The following CNTN4 variants were observed in gnomAD, a reference collection of about 807,000 sequenced individuals.
CNTN4 encodes the protein contactin 4, also known as contactin-4.
Under a neutral mutation model 122.5 loss-of-function variants are expected in CNTN4, and 77 were observed. That is an observed-to-expected ratio of 0.63 (90% confidence interval 0.52 to 0.76). The LOEUF is 0.76. CNTN4 is among the 30% of genes least tolerant of loss of function. The pLI, the probability that CNTN4 is intolerant of heterozygous loss-of-function variation, is 0.00. For synonymous variants in CNTN4, 512 were observed against 447.0 expected (o/e 1.15, Z -1.83); for missense variants, 1,256 against 1,259.1 (o/e 1.00, Z 0.04).
At chr3:2,588,682 T>A (rs1014966768) in intron 4 of CNTN4, among the ~76,000 whole-genome samples, 2 of 152,016 alleles carry the variant, frequency 1.3e-5, no homozygotes, top group Non-Finnish European at 2.9e-5. Context: ...AGTACTTTTT[T>A]AGTGCCTGAT....
At chr3:2,228,076 T>C (rs1280149507) in intron 2 of CNTN4, among the ~76,000 whole-genome samples, 1 of 152,256 alleles carries the variant, frequency 6.6e-6, no homozygotes, top group East Asian at 1.9e-4. Context: ...GAAAATAATA[T>C]GGTTTTGCAT....
intron 3 of CNTN4, among the ~76,000 whole-genome samples, chr3:2,559,098 T>C (rs143416412): frequency 1.4e-4 from 21 of 152,324 alleles, no homozygotes; most frequent in Admixed American, 3.9e-4. Context: ...ACTAGATGGA[T>C]AACCACCCAT....
chr3:2,478,582 C>T (rs1044699242), intron 3 of CNTN4, among the ~76,000 whole-genome samples: 4 of 152,128 alleles, frequency 2.6e-5, no homozygotes, highest in African/African-American at 9.7e-5. Context: ...CTCCCTCCGC[C>T]CACACCCGTC....
intron 4 of CNTN4, among the ~76,000 whole-genome samples, chr3:2,591,209 C>T (rs1293236704): frequency 1.3e-5 from 2 of 152,206 alleles, no homozygotes; most frequent in African/African-American, 2.4e-5. Context: ...TCCATGATCA[C>T]ATTGTCCAGA....
chr3:2,386,026 T>C (rs1023268234), intron 3 of CNTN4, among the ~76,000 whole-genome samples: 4 of 152,116 alleles, frequency 2.6e-5, no homozygotes, highest in Non-Finnish European at 5.9e-5. Flanking sequence ...CGTCTTACTA[T>C]ACCTTGCACA....
chr3:2,693,494 T>C (rs2085853212), intron 4 of CNTN4, among the ~76,000 whole-genome samples: 1 of 152,140 alleles, frequency 6.6e-6, no homozygotes, highest in Non-Finnish European at 1.5e-5. Context: ...ACCACCAAAA[T>C]AGAAAATTTC....
chr3:2,579,380 C>A (rs2079835516), intron 4 of CNTN4, among the ~76,000 whole-genome samples: 1 of 152,160 alleles, frequency 6.6e-6, no homozygotes, highest in South Asian at 2.1e-4. Flanking sequence ...ATGACGGGAG[C>A]AGGAACAGTC....
intron 2 of CNTN4, among the ~76,000 whole-genome samples, chr3:2,331,315 A>T (rs1007738593): frequency 6.6e-6 from 1 of 152,152 alleles, no homozygotes; most frequent in East Asian, 1.9e-4. Flanking sequence ...GCATTGTAGA[A>T]GTAGGCCCTT....
chr3:2,800,239 T>A (rs1021154309), intron 6 of CNTN4, among the ~76,000 whole-genome samples: 1 of 152,200 alleles, frequency 6.6e-6, no homozygotes, highest in Non-Finnish European at 1.5e-5. Context: ...GATACCACAG[T>A]GCATATTTTT....
Position 2,485,075 on chromosome 3 carries a change from C to T in CNTN4, c.-88-86341C>T, listed in dbSNP as rs533405637. Among the ~76,000 whole-genome samples, 47 of 152,340 alleles carry T rather than the reference C, an allele frequency of 3.1e-4. No homozygotes were observed. In the Middle Eastern group the frequency reaches 0.01, roughly 33 times the overall value. On this transcript the variant is annotated intron_variant, in intron 3 of 24. Coordinates refer to ENST00000418658, the MANE Select transcript of CNTN4 (RefSeq NM_175607.3). ...TGGCCAGCAGCTGCAGAGGGTGCGC[C>T]GGGTCCCCCAGCAGTGCCGGCCGGC...
At position 2,854,337 on chromosome 3, in the gene CNTN4, A is replaced by T. The variant is rs192362603; in HGVS notation, c.455-12415A>T. Among the ~76,000 whole-genome samples the T allele has an allele frequency of 5.6e-3, 796 of 141,822 alleles. 7 individuals carry two copies. Among genetic ancestry groups the T allele is most frequent in the African/African-American group, 0.02 (768 of 37,788 alleles). 93.0% of individuals were successfully genotyped at this position (141,822 alleles called of 152,430 possible). A position where few individuals can be genotyped will look rare whatever the true frequency, so the allele number is the denominator to read the frequency against. ...GCCCAGGCTGGAGTGCAGTGGCACA[A>T]TCTCGGCTCATTGCAAACTTCACCT... On this transcript the variant is annotated intron_variant, in intron 7 of 24. Transcript: ENST00000418658.
chr3:2,795,592 C>G (rs984123540), intron 6 of CNTN4, among the ~76,000 whole-genome samples: 1 of 150,104 alleles, frequency 6.7e-6, no homozygotes, highest in African/African-American at 2.5e-5. Context: ...GCCATCTCGG[C>G]TCAGTGCAAG....
chr3:2,594,482 G>A (rs949456058), intron 4 of CNTN4, among the ~76,000 whole-genome samples: 6 of 144,038 alleles, frequency 4.2e-5, no homozygotes, highest in South Asian at 4.4e-4. Context: ...GCAGTGGCAC[G>A]ATCTCGGCTC....
intron 3 of CNTN4, among the ~76,000 whole-genome samples, chr3:2,549,203 G>A (rs2149348407): frequency 6.6e-6 from 1 of 152,172 alleles, no homozygotes; most frequent in East Asian, 1.9e-4. Context: ...TCTTTCTCTT[G>A]CCTGATTGCC....
At chr3:2,233,905 C>T (rs963988534) in intron 2 of CNTN4, among the ~76,000 whole-genome samples, 1 of 152,106 alleles carries the variant, frequency 6.6e-6, no homozygotes, top group Admixed American at 6.6e-5. Context: ...AAATACACAG[C>T]AAAAGGTAGA....
intron 3 of CNTN4, among the ~76,000 whole-genome samples, chr3:2,458,425 T>C (rs2049079780): frequency 2.0e-5 from 3 of 152,186 alleles, no homozygotes; most frequent in Admixed American, 6.6e-5. Flanking sequence ...TTAAATAAAC[T>C]ATCTTTGTTA....
rs531746863 is a variant in CNTN4 at position 2,353,601 on chromosome 3, G to C, written c.-89+14368G>C. Among the ~76,000 whole-genome samples the C allele has an allele frequency of 3.9e-5, 6 of 152,120 alleles. No homozygotes were observed. The South Asian group carries it at 1.3e-3, about 32-fold the overall frequency. On this transcript the variant is annotated intron_variant, in intron 3 of 24. Transcript: ENST00000418658. ...CCACCGGGAGGAATGAGCAACTCTG[G>C]ACGGGAGGAATGAACAACTCCGGAC...
chr3:2,598,162 C>T (rs1576159726), intron 4 of CNTN4, among the ~76,000 whole-genome samples: 1 of 152,144 alleles, frequency 6.6e-6, no homozygotes, highest in African/African-American at 2.4e-5. Flanking sequence ...CTTTAGTGAC[C>T]TCCAGTATCA....
chr3:2,633,077 G>C (rs2082513251), intron 4 of CNTN4, among the ~76,000 whole-genome samples: 2 of 151,302 alleles, frequency 1.3e-5, no homozygotes, highest in African/African-American at 2.4e-5. Flanking sequence ...TTCGCTTCAA[G>C]TTGATTTTTA....
Sources: gnomAD v4.1 joint callset for allele counts (sites outside exome capture counted in the v4.1 genomes callset) on GRCh38, gnomAD v4.1.1 for gene constraint, MANE v1.5 for transcripts, NCBI Gene and HGNC (gene_info 2026-07-23, HGNC 2026-07-21) for gene names.